RBFOX1: variants seen among roughly 807,000 people sequenced by gnomAD.
RBFOX1 encodes the protein RNA binding fox-1 homolog 1, also known as RNA binding protein fox-1 homolog 1.
A neutral mutation model predicts 57.7 loss-of-function variants in RBFOX1; 8 were observed. That is an observed-to-expected ratio of 0.14 (90% confidence interval 0.08 to 0.25). The LOEUF (loss-of-function observed/expected upper bound fraction) is 0.25, where lower values mean the gene tolerates loss of function less well. Ranked by LOEUF, RBFOX1 falls within the 10% of genes least tolerant of loss-of-function variation. The pLI, the probability that RBFOX1 is intolerant of heterozygous loss-of-function variation, is 1.00. For synonymous variants in RBFOX1, 326 were observed against 222.4 expected, an observed-to-expected ratio of 1.47 and a Z score of -4.15; for missense variants, 611 against 548.5, an observed-to-expected ratio of 1.11 and a Z score of -1.14.
chr16:7,433,048 A>T (rs62015743), intron 4 of RBFOX1, among the ~76,000 whole-genome samples: 3,740 of 152,272 alleles, frequency 0.025, 49 homozygotes, highest in Middle Eastern at 0.037. Context: ...ATTCCCGCAT[A>T]ATCTTGTTTT....
intron 1 of RBFOX1, among the ~76,000 whole-genome samples, chr16:5,324,187 G>A (rs2064494912): frequency 6.6e-6 from 1 of 152,216 alleles, no homozygotes. Context: ...ATTCTGCTGG[G>A]TGCTGTGGCT....
intron 3 of RBFOX1, among the ~76,000 whole-genome samples, chr16:7,021,018 C>G (rs944954384): frequency 1.4e-4 from 21 of 152,116 alleles, no homozygotes; most frequent in Admixed American, 4.6e-4. Context: ...ATCCCAGCTA[C>G]TGGGGAGGCT....
chr16:6,743,108 C>T lies in RBFOX1; in HGVS notation c.-16+88458C>T, dbSNP rs112519918. 7.9e-3 allele frequency among the ~76,000 whole-genome samples: 1,201 copies of T among 152,170 alleles called. 14 individuals are homozygous for T. Among genetic ancestry groups the T allele is most frequent in the African/African-American group, 0.027 (1,115 of 41,518 alleles). On this transcript the variant is annotated intron_variant, in intron 3 of 15. Transcript: ENST00000550418. The stretch of plus-strand genomic sequence containing the variant: ...ACTGTCTGTGTATTTGTAATATTTT[C>T]AAAATAAGTTATAAAGATTTGCCTT...
chr16:6,339,090 C>T (rs770290350), intron 2 of RBFOX1, among the ~76,000 whole-genome samples: 4 of 152,042 alleles, frequency 2.6e-5, no homozygotes, highest in Non-Finnish European at 4.4e-5. Context: ...GCAGTGAAAG[C>T]GGGCAGAAAA....
chr16:6,891,480 A>AGAGAG (rs1263603085), intron 3 of RBFOX1, among the ~76,000 whole-genome samples: 1 of 150,980 alleles, frequency 6.6e-6, no homozygotes, highest in Non-Finnish European at 1.5e-5. Flanking sequence ...AGAGAGAGAG[A>AGAGAG]GAGAGGAGAG....
intron 11 of RBFOX1, among the ~76,000 whole-genome samples, chr16:7,632,529 T>G (rs1488464246): frequency 1.3e-5 from 2 of 152,220 alleles, no homozygotes; most frequent in Non-Finnish European, 2.9e-5. Context: ...TAGATTTGTC[T>G]TCTGAACCTG....
At chr16:6,649,921 C>A (rs1558570) in intron 2 of RBFOX1, among the ~76,000 whole-genome samples, 112,909 of 152,016 alleles carry the variant, frequency 0.74, 41,978 homozygotes, top group Admixed American at 0.78. Flanking sequence ...ATTGGTGGGC[C>A]TTTGGGCTGG....
At chr16:6,238,081 ACT>A (rs1170368277) in intron 1 of RBFOX1, among the ~76,000 whole-genome samples, 40 of 134,426 alleles carry the variant, frequency 3.0e-4, no homozygotes, top group Non-Finnish European at 5.5e-4. Context: ...ACAGAATGAG[ACT>A]CTGTCTCAAA....
chr16:5,563,088 T>C (rs2045944998), intron 2 of RBFOX1, among the ~76,000 whole-genome samples: 1 of 152,206 alleles, frequency 6.6e-6, no homozygotes, highest in Non-Finnish European at 1.5e-5. Flanking sequence ...TAGCTGGGCT[T>C]ACAGGCACCC....
chr16:7,403,096 A>G (rs1597529325), intron 4 of RBFOX1, among the ~76,000 whole-genome samples: 1 of 152,184 alleles, frequency 6.6e-6, no homozygotes, highest in East Asian at 1.9e-4. Context: ...CCCCGGCTCT[A>G]TGGGGGTACA....
intron 3 of RBFOX1, among the ~76,000 whole-genome samples, chr16:5,618,371 T>C (rs1181339709): frequency 6.6e-6 from 1 of 152,038 alleles, no homozygotes; most frequent in Non-Finnish European, 1.5e-5. Flanking sequence ...AGAGTCTCGC[T>C]CTGTCACCCA....
chr16:7,139,863 G>T (rs889392198), intron 4 of RBFOX1, among the ~76,000 whole-genome samples: 2 of 152,078 alleles, frequency 1.3e-5, no homozygotes, highest in African/African-American at 4.8e-5. Flanking sequence ...TGAGGAGGAA[G>T]CTAAGACCCT....
intron 4 of RBFOX1, among the ~76,000 whole-genome samples, chr16:7,262,330 A>G (rs552929150): frequency 4.8e-4 from 69 of 144,812 alleles, no homozygotes; most frequent in Non-Finnish European, 8.9e-4. Flanking sequence ...TTTTCATATT[A>G]ATGGGAAAAC....
intron 3 of RBFOX1, among the ~76,000 whole-genome samples, chr16:7,047,716 C>CTTTTTTTTTTTTTTTTTT (rs55636828): frequency 4.2e-5 from 2 of 47,938 alleles, no homozygotes; most frequent in Admixed American, 2.5e-4. Context: ...TCCTGCATTT[C>CTTTTTTTTTTTTTTTTTT]TTTTTTTTTT....
At chr16:6,549,617 G>T (rs1051291598) in intron 2 of RBFOX1, among the ~76,000 whole-genome samples, 4 of 151,846 alleles carry the variant, frequency 2.6e-5, no homozygotes, top group Non-Finnish European at 5.9e-5. Context: ...GCAGCAAATT[G>T]TAGGGAAGGC....
intron 2 of RBFOX1, among the ~76,000 whole-genome samples, chr16:6,408,695 C>CGGTTTT (rs1244875676): frequency 6.6e-6 from 1 of 151,984 alleles, no homozygotes; most frequent in Non-Finnish European, 1.5e-5. Flanking sequence ...TGTTTTGTTA[C>CGGTTTT]GGTTTTAGCA....
chr16:6,580,980 C>G (rs1400304524), intron 2 of RBFOX1, among the ~76,000 whole-genome samples: 1 of 150,250 alleles, frequency 6.7e-6, no homozygotes, highest in Non-Finnish European at 1.5e-5. Context: ...AAGCATTGAT[C>G]AAGAATATAT....
intron 3 of RBFOX1, among the ~76,000 whole-genome samples, chr16:7,038,705 C>T (rs1165616586): frequency 1.3e-5 from 2 of 152,088 alleles, no homozygotes; most frequent in African/African-American, 4.8e-5. Context: ...ATGTGGGAGG[C>T]CGAAGGGGAT....
At chr16:5,244,149 G>A (rs537989629) in intron 1 of RBFOX1, among the ~76,000 whole-genome samples, 34 of 152,236 alleles carry the variant, frequency 2.2e-4, no homozygotes, top group African/African-American at 6.5e-4. Flanking sequence ...TGCCTGCCTC[G>A]GCCTCCCAAG....
Sources: allele counts gnomAD v4.1 joint callset (sites outside exome capture counted in the v4.1 genomes callset), GRCh38; gene constraint gnomAD v4.1.1; transcripts MANE v1.5; gene names NCBI Gene and HGNC (gene_info 2026-07-23, HGNC 2026-07-21).